Variants in MIPOL1 observed in about 807,000 individuals in gnomAD.
MIPOL1 encodes the protein mirror-image polydactyly gene 1 protein.
A neutral mutation model predicts 60.9 loss-of-function variants in MIPOL1; 57 were observed. That is an observed-to-expected ratio of 0.94 (90% CI 0.76 to 1.17). The LOEUF is 1.17. Among genes scored for constraint, MIPOL1 ranks in the 50% most tolerant of loss-of-function variants. The probability of loss-of-function intolerance (pLI) is 0.00; values close to 1 mark genes in which losing one functional copy is unlikely to be tolerated. For synonymous variants in MIPOL1, 179 were observed against 168.8 expected, an observed-to-expected ratio of 1.06 and a Z score of -0.47; for missense variants, 551 against 511.6, an observed-to-expected ratio of 1.08 and a Z score of -0.74.
At chr14:37,297,461 C>A (rs2085855016) in intron 7 of MIPOL1, among the ~76,000 whole-genome samples, 1 of 152,112 alleles carries the variant, frequency 6.6e-6, no homozygotes, top group Non-Finnish European at 1.5e-5. Flanking sequence ...CCAGGGCAAT[C>A]AGGCAGGAGA....
chr14:37,260,030 G>GT (rs1238077678), intron 3 of MIPOL1, among the ~76,000 whole-genome samples: 1 of 152,014 alleles, frequency 6.6e-6, no homozygotes, highest in Non-Finnish European at 1.5e-5. Context: ...CTGGCACTGT[G>GT]TTGGTACTTA....
intron 10 of MIPOL1, among the ~76,000 whole-genome samples, chr14:37,383,269 A>C (rs894651040): frequency 1.9e-4 from 29 of 151,856 alleles, no homozygotes; most frequent in African/African-American, 6.7e-4. Flanking sequence ...TTTAATCTTC[A>C]CTTTCTTTTG....
intron 1 of MIPOL1, among the ~76,000 whole-genome samples, chr14:37,238,735 A>G (rs1971877536): frequency 6.6e-6 from 1 of 150,724 alleles, no homozygotes; most frequent in Non-Finnish European, 1.5e-5. Context: ...TGATCGCTTG[A>G]GCCTAGGAGT....
intron 9 of MIPOL1, among the ~76,000 whole-genome samples, chr14:37,326,825 T>A (rs1163070475): frequency 6.6e-6 from 1 of 152,354 alleles, no homozygotes; most frequent in Admixed American, 6.5e-5. Context: ...TCTGCTATGG[T>A]CACCTTTTGG....
chr14:37,524,910 A>G (rs916037300), intron 12 of MIPOL1, among the ~76,000 whole-genome samples: 2 of 152,066 alleles, frequency 1.3e-5, no homozygotes, highest in African/African-American at 4.8e-5. Context: ...AATCATTAAC[A>G]TGAAAGACTA....
At chr14:37,244,544 GT>G (rs111867620) in intron 1 of MIPOL1, among the ~76,000 whole-genome samples, 129 of 145,804 alleles carry the variant, frequency 8.8e-4, no homozygotes, top group Middle Eastern at 7.5e-3. Context: ...TTATAGTAGA[GT>G]TTTTTTTTTT....
At position 37,363,812 on chromosome 14, in the gene MIPOL1, T is replaced by A. The variant is rs1173978794; in HGVS notation, c.829-5705T>A. Among the ~76,000 whole-genome samples, 35 of 152,174 alleles carry A rather than the reference T, an allele frequency of 2.3e-4. 1 individual carries two copies. ...GCCCAGTTCAAGTTTCCTGGCCGCT[T>A]TGTTTACCTACATAAGCCTCAGTAA... On this transcript the variant is annotated intron_variant, in intron 9 of 12. Coordinates refer to ENST00000684589, the MANE Select transcript of MIPOL1 (RefSeq NM_001388067.1).
In MIPOL1 at chr14:37,474,484, C is replaced by T. The variant is rs543544279; in HGVS notation, c.1032-25424C>T. Among the ~76,000 whole-genome samples, 5 of 152,242 alleles carry T rather than the reference C, an allele frequency of 3.3e-5. No individual in the cohort carries two copies. The South Asian group carries it at 1.0e-3, about 32-fold the overall frequency. On this transcript the variant is annotated intron_variant, in intron 11 of 12. Coordinates refer to ENST00000684589, the MANE Select transcript of MIPOL1 (RefSeq NM_001388067.1). ...TGAGATCTAATGGTTTTATAAAGGG[C>T]AGTTCCCCTACATAGTCTCTTGTCT...
chr14:37,338,371 A>C (rs2090336605), intron 9 of MIPOL1, among the ~76,000 whole-genome samples: 1 of 150,028 alleles, frequency 6.7e-6, no homozygotes, highest in Non-Finnish European at 1.5e-5. Context: ...TGGCCTCCCA[A>C]AGTGCTGGGA....
chr14:37,377,146 TG>T (rs2092797902), intron 10 of MIPOL1, among the ~76,000 whole-genome samples: 1 of 152,180 alleles, frequency 6.6e-6, no homozygotes, highest in Non-Finnish European at 1.5e-5. Flanking sequence ...CAAACACTAT[TG>T]ACTTTATAAC....
intron 9 of MIPOL1, among the ~76,000 whole-genome samples, chr14:37,312,973 A>G (rs765213903): frequency 7.2e-5 from 11 of 152,190 alleles, no homozygotes; most frequent in African/African-American, 1.2e-4. Context: ...AGATTTTTAT[A>G]GAATTATAGA....
chr14:37,531,088 G>C lies in MIPOL1; in HGVS notation c.1263-15817G>C, dbSNP rs569562855. On this transcript the variant is annotated intron_variant, in intron 12 of 12. Transcript: ENST00000684589. ...CCACCTCGGCCCCACAAAGTGCTGG[G>C]ATTACAGGCGTGAACCACCGCGCCC... is the stretch of plus-strand genomic sequence containing the variant. 2.7e-4 allele frequency among the ~76,000 whole-genome samples: 41 copies of C among 152,144 alleles called. No homozygotes were observed. The South Asian group carries it at 8.3e-3, about 31-fold the overall frequency.
intron 10 of MIPOL1, among the ~76,000 whole-genome samples, chr14:37,422,313 A>G (rs1022284450): frequency 1.3e-5 from 2 of 152,070 alleles, no homozygotes; most frequent in East Asian, 1.9e-4. Flanking sequence ...TTTCTCCCAC[A>G]GAGAAGGAAT....
chr14:37,314,015 C>T (rs909022734), intron 9 of MIPOL1, among the ~76,000 whole-genome samples: 14 of 152,138 alleles, frequency 9.2e-5, no homozygotes, highest in Admixed American at 3.3e-4. Context: ...GTTTTCTGAA[C>T]ACTATATGGA....
chr14:37,332,946 C>T lies in MIPOL1; in HGVS notation c.828+24427C>T, dbSNP rs549344765. On this transcript the variant is annotated intron_variant, in intron 9 of 12. Coordinates refer to ENST00000684589, the MANE Select transcript of MIPOL1 (RefSeq NM_001388067.1). ...CTGCTGTTGTGGAGATGAGTAGCAT[C>T]CCACAGTGTTTTAAGGAGATACTTG... 1.7e-3 allele frequency among the ~76,000 whole-genome samples: 254 copies of T among 152,224 alleles called. 1 individual carries two copies. Among genetic ancestry groups the T allele is most frequent in the African/African-American group, 5.8e-3 (240 of 41,544 alleles).
chr14:37,275,821 TCATC>T (rs1173909473), intron 6 of MIPOL1, among the ~76,000 whole-genome samples: 1 of 151,230 alleles, frequency 6.6e-6, no homozygotes, highest in Non-Finnish European at 1.5e-5. Flanking sequence ...TTCTTGCATG[TCATC>T]CATTAAAGAT....
intron 9 of MIPOL1, among the ~76,000 whole-genome samples, chr14:37,323,278 A>G (rs1405262255): frequency 6.6e-6 from 1 of 151,992 alleles, no homozygotes; most frequent in Non-Finnish European, 1.5e-5. Flanking sequence ...CAAAGATCAG[A>G]TGGTTGTAGA....
intron 12 of MIPOL1, among the ~76,000 whole-genome samples, chr14:37,543,242 C>G (rs1238592772): frequency 6.6e-6 from 1 of 152,118 alleles, no homozygotes; most frequent in Non-Finnish European, 1.5e-5. Context: ...GCCTTCAGCT[C>G]TCACTGGGAT....
intron 1 of MIPOL1, among the ~76,000 whole-genome samples, chr14:37,210,126 C>G (rs1966697196): frequency 6.6e-6 from 1 of 152,064 alleles, no homozygotes; most frequent in African/African-American, 2.4e-5. Context: ...GCACACTAAT[C>G]AATGTGGAAG....
Sources: allele counts gnomAD v4.1 joint callset (sites outside exome capture counted in the v4.1 genomes callset), GRCh38; gene constraint gnomAD v4.1.1; transcripts MANE v1.5; gene names NCBI Gene and HGNC (gene_info 2026-07-23, HGNC 2026-07-21).